The following SVBP variants were observed in gnomAD, a reference collection of about 807,000 sequenced individuals.
The protein encoded by SVBP is small vasohibin-binding protein.
A neutral mutation model predicts 9.2 loss-of-function variants in SVBP; 9 were observed. That is an observed-to-expected ratio of 0.98 (90% confidence interval 0.59 to 1.71). The LOEUF is 1.71. SVBP is among the 40% of genes most tolerant of loss of function. The pLI is 0.00. For missense variants in SVBP, 63 were observed against 73.2 expected, an observed-to-expected ratio of 0.86 and a Z score of 0.51; for synonymous variants, 27 against 23.9, an observed-to-expected ratio of 1.13 and a Z score of -0.37.
At chr1:42,809,674 A>G (rs1654036933) in intron 2 of SVBP, among the ~76,000 whole-genome samples, 1 of 152,232 alleles carries the variant, frequency 6.6e-6, no homozygotes, top group Admixed American at 6.5e-5. Flanking sequence ...GAAAAATGGA[A>G]TTCTACACAG....
At chr1:42,814,127 C>T (rs565425329) in intron 2 of SVBP, among the ~76,000 whole-genome samples, 5 of 147,624 alleles carry the variant, frequency 3.4e-5, no homozygotes, top group African/African-American at 5.1e-5. Flanking sequence ...CTAGCTCTGT[C>T]GCCCAGGCTA....
In SVBP at chr1:42,817,220, C is replaced by A; in HGVS notation, c.-67G>T. The A allele has an allele frequency of 8.0e-7, 1 of 1,256,050 alleles. No homozygotes were observed. The highest frequency in any genetic ancestry group is 2.5e-5 in the Admixed American group (1 of 39,350). 77.8% of individuals were successfully genotyped at this position (1,256,050 alleles called of 1,614,324 possible). ...CCGACCGGGCCACTGGAAGTTGGAG[C>A]CTCCGCCGAGTCGCAGACAACGCCT... On this transcript the variant is annotated 5_prime_UTR_variant, in exon 1 of 3. Transcript: ENST00000372521.
At position 42,816,591 on chromosome 1, in the gene SVBP, C is replaced by A. The variant is rs2124258417; in HGVS notation, c.-36-11G>T. The A allele has an allele frequency of 7.8e-7, 1 of 1,274,086 alleles. No homozygotes were observed. The highest frequency in any genetic ancestry group is 1.1e-6 in the Non-Finnish European group (1 of 877,740). The allele number at this position is 1,274,086 out of a possible 1,614,324, so 78.9% of individuals were successfully genotyped here. A position where few individuals can be genotyped will look rare whatever the true frequency, so the allele number is the denominator to read the frequency against. ...TTAGGAGGCTCTGATCTGGGTGGTA[C>A]AGAAAGAGGCAGATCTTCAAAACAA... On this transcript the variant is annotated splice_polypyrimidine_tract_variant and intron_variant, in intron 1 of 2. Coordinates refer to ENST00000372521, the MANE Select transcript of SVBP (RefSeq NM_199342.4).
At chr1:42,816,801 T>G in intron 1 of SVBP, 1 of 433,208 alleles carries the variant, frequency 2.3e-6, no homozygotes, top group Non-Finnish European at 4.1e-6. Flanking sequence ...TGAGCCTTAG[T>G]TTTCTGTCTG....
intron 2 of SVBP, 36 bp from the exon 3 acceptor site, chr1:42,807,536 G>A (rs1264077881): frequency 4.0e-6 from 6 of 1,507,696 alleles, no homozygotes; most frequent in Non-Finnish European, 5.5e-6. Context: ...GTTAGCAATG[G>A]AAGCAGCTGC....
chr1:42,807,153 G>GTTT lies in SVBP; in HGVS notation c.*258_*260dup, dbSNP rs142694785. 106 of 181,022 alleles carry GTTT rather than the reference G, an allele frequency of 5.9e-4. No individual in the cohort carries two copies. Among genetic ancestry groups the GTTT allele is most frequent in the East Asian group, 1.3e-3 (17 of 12,684 alleles). The allele number at this position is 181,022 out of a possible 1,614,324, so 11.2% of individuals were successfully genotyped here. A position where few individuals can be genotyped will look rare whatever the true frequency, so the allele number is the denominator to read the frequency against. ...AATAGAAAAAGTGTTTTTTGTGTGTGTTTTTTTTTTTTTTTTAAAAAAACC... is the reference window on the plus strand; with the variant it reads ...AATAGAAAAAGTGTTTTTTGTGTGTGTTTTTTTTTTTTTTTTTTTAAAAAAACC... On this transcript the variant is annotated 3_prime_UTR_variant, in exon 3 of 3. Transcript: ENST00000372521.
At chr1:42,813,687 T>C (rs1299571792) in intron 2 of SVBP, 2 of 533,122 alleles carry the variant, frequency 3.8e-6, no homozygotes, top group East Asian at 1.1e-4. Context: ...CACGGAAGTA[T>C]AGATAGCTCT....
intron 1 of SVBP, 87 bp from the exon 2 acceptor site, chr1:42,816,667 C>T (rs193221610): frequency 1.3e-5 from 9 of 678,334 alleles, no homozygotes; most frequent in African/African-American, 1.3e-4. Context: ...TTTAGCTCCG[C>T]CCCATCCTTT....
chr1:42,812,362 C>T (rs1326920126), intron 2 of SVBP, among the ~76,000 whole-genome samples: 1 of 152,184 alleles, frequency 6.6e-6, no homozygotes, highest in Non-Finnish European at 1.5e-5. Context: ...CTGTGCCCTG[C>T]GGCCAAACAC....
intron 2 of SVBP, among the ~76,000 whole-genome samples, chr1:42,808,280 T>C (rs1000884905): frequency 3.6e-4 from 52 of 145,260 alleles, no homozygotes; most frequent in African/African-American, 1.3e-3. Context: ...TATACTAATA[T>C]ATATACACTA....
rs1476448671 is a variant in SVBP at position 42,807,405 on chromosome 1, C to A, written c.*9G>T. The A allele has an allele frequency of 6.2e-7, 1 of 1,610,394 alleles. No homozygotes were observed. The highest frequency in any genetic ancestry group is 1.3e-5 in the African/African-American group (1 of 74,780). On this transcript the variant is annotated 3_prime_UTR_variant, in exon 3 of 3. Coordinates refer to ENST00000372521, the MANE Select transcript of SVBP (RefSeq NM_199342.4). The stretch of plus-strand genomic sequence containing the variant: ...CTCTCAGGATCCCATCTGGTTTGAA[C>A]CTGGGGCCTCATTCTCCAGGAGGCT...
intron 2 of SVBP, among the ~76,000 whole-genome samples, chr1:42,809,329 G>A (rs1654031561): frequency 6.6e-6 from 1 of 151,922 alleles, no homozygotes; most frequent in Non-Finnish European, 1.5e-5. Flanking sequence ...TTAGAAGTGG[G>A]ACAAATAGAA....
chr1:42,813,376 G>A, intron 2 of SVBP: 4 of 467,972 alleles, frequency 8.5e-6, no homozygotes, highest in Non-Finnish European at 1.3e-5. Context: ...AACTTCTGCA[G>A]TCTGTTGTGT....
chr1:42,810,364 T>C (rs1654058394), intron 2 of SVBP, among the ~76,000 whole-genome samples: 1 of 152,130 alleles, frequency 6.6e-6, no homozygotes, highest in Non-Finnish European at 1.5e-5. Context: ...GCCAGGATGG[T>C]CTTGATCTCC....
At chr1:42,816,674 C>A in intron 1 of SVBP, 94 bp from the exon 2 acceptor site, 1 of 653,968 alleles carries the variant, frequency 1.5e-6, no homozygotes, top group Non-Finnish European at 2.6e-6. Flanking sequence ...CCGCCCCATC[C>A]TTTGCCAGGT....
At chr1:42,814,067 G>A (rs1654139904) in intron 2 of SVBP, among the ~76,000 whole-genome samples, 1 of 151,926 alleles carries the variant, frequency 6.6e-6, no homozygotes, top group African/African-American at 2.4e-5. Context: ...AACAGTGCCT[G>A]GCACATACTA....
chr1:42,810,286 T>C (rs1654055716), intron 2 of SVBP, among the ~76,000 whole-genome samples: 1 of 152,104 alleles, frequency 6.6e-6, no homozygotes, highest in Non-Finnish European at 1.5e-5. Flanking sequence ...TAGCTGGGAC[T>C]ACAGGCGTGC....
In SVBP at chr1:42,814,587, G is replaced by C. The variant is rs889629513; in HGVS notation, c.114+1844C>G. ...GCAGAGATCACGCCACTGCACTCCA[G>C]CCTGGGTGACAGAGCAAGACTCCGT... On this transcript the variant is annotated intron_variant, in intron 2 of 2. Coordinates refer to ENST00000372521, the MANE Select transcript of SVBP (RefSeq NM_199342.4). Among the ~76,000 whole-genome samples, 5 of 134,328 alleles carry C rather than the reference G, an allele frequency of 3.7e-5. No homozygotes were observed. The Admixed American group carries it at 3.8e-4, about 10-fold the overall frequency. 88.1% of individuals were successfully genotyped at this position (134,328 alleles called of 152,430 possible).
chr1:42,816,757 G>A, intron 1 of SVBP, 177 bp from the exon 2 acceptor site: 1 of 518,188 alleles, frequency 1.9e-6, no homozygotes, highest in Non-Finnish European at 3.4e-6. Context: ...CCACAACCTC[G>A]CTGGGTGTCC....
Sources: gnomAD v4.1 joint callset for allele counts (sites outside exome capture counted in the v4.1 genomes callset) on GRCh38, gnomAD v4.1.1 for gene constraint, MANE v1.5 for transcripts, NCBI Gene and HGNC (gene_info 2026-07-23, HGNC 2026-07-21) for gene names.